FAT1: variants seen among roughly 807,000 people sequenced by gnomAD.
The protein encoded by FAT1 is protocadherin Fat 1.
In FAT1, 171 loss-of-function variants were observed where a neutral mutation model predicts 329.8. That is an observed-to-expected ratio of 0.52 (90% CI 0.46 to 0.59). The LOEUF (loss-of-function observed/expected upper bound fraction) is 0.59. FAT1 is among the 20% of genes least tolerant of loss of function. The pLI is 0.00. For synonymous variants in FAT1, 2,233 were observed against 2,228.6 expected, an observed-to-expected ratio of 1.00 and a Z score of -0.06; for missense variants, 5,672 against 5,774.4, an observed-to-expected ratio of 0.98 and a Z score of 0.57.
chr4:186,667,785 T>C (rs2126627139), intron 2 of FAT1, among the ~76,000 whole-genome samples: 1 of 152,326 alleles, frequency 6.6e-6, no homozygotes, highest in Non-Finnish European at 1.5e-5. Context: ...CTTAGATCCA[T>C]TAAGAAACTT....
At chr4:186,706,203 G>C (rs1023679588) in intron 2 of FAT1, among the ~76,000 whole-genome samples, 2 of 152,150 alleles carry the variant, frequency 1.3e-5, no homozygotes, top group African/African-American at 4.8e-5. Context: ...TACACTGACT[G>C]AAAAAAGTTG....
intron 3 of FAT1, among the ~76,000 whole-genome samples, chr4:186,655,488 G>A (rs1293780470): frequency 6.6e-6 from 1 of 151,672 alleles, no homozygotes; most frequent in Non-Finnish European, 1.5e-5. Context: ...AGGTTGGAGT[G>A]CAGTGGAGTG....
chr4:186,601,806 G>C (rs1738830786), intron 20 of FAT1: 1 of 161,546 alleles, frequency 6.2e-6, no homozygotes, highest in Non-Finnish European at 1.3e-5. Flanking sequence ...AGATGCAAAT[G>C]TCATCAATCT....
rs1300189308 is a variant in FAT1, at chr4:186,620,259, G to A, written c.6327C>T (p.Asp2109=). The change falls in exon 10 of 27, where the codon GAC becomes GAT. Residue 2109 remains aspartate, a synonymous_variant. Coordinates refer to ENST00000441802, the MANE Select transcript of FAT1 (RefSeq NM_005245.4). ...AATGCACTTCCCCGTTTCTGCCACT[G>A]TCTCTGTCTACAGCAGTGACATAGC... ...VIRYVTAVDR[D]SGRNGEVHYY... is the part of the protein sequence containing the mutation. 6.2e-7 allele frequency: 1 copy of A among 1,613,982 alleles called. No homozygotes were observed.
rs1410092050 is a variant in FAT1, at chr4:186,600,097, T to G, written c.11904A>C (p.Gln3968His). 12 of 1,613,920 alleles carry G rather than the reference T, an allele frequency of 7.4e-6. No homozygotes were observed. The highest frequency in any genetic ancestry group is 1.0e-5 in the Non-Finnish European group (12 of 1,179,898). ...QQGTRHGRSP[Q>H]VGNGFRGCMD... ...TACAACCCCTGAAACCATTACCAAC[T>G]TGAGGACTTCTTCCATGCCTTGTTC... Residue 3968 changes from glutamine to histidine, a missense_variant, in exon 22 of 27, where the codon CAA (glutamine) becomes CAC (histidine). This residue lies in a region of FAT1 where 1,706 missense variants were observed against 1,859.1 expected (regional missense o/e 0.92). Transcript: ENST00000441802.
At chr4:186,701,671 T>A (rs983343044) in intron 2 of FAT1, among the ~76,000 whole-genome samples, 4 of 152,186 alleles carry the variant, frequency 2.6e-5, no homozygotes, top group African/African-American at 7.2e-5. Flanking sequence ...CCGGGGCCCG[T>A]CAGCCTCCTC....
intron 26 of FAT1, among the ~76,000 whole-genome samples, chr4:186,591,734 T>C (rs1738247862): frequency 6.6e-6 from 1 of 152,220 alleles, no homozygotes; most frequent in East Asian, 1.9e-4. Context: ...GGAAAAGAAG[T>C]GTAGGCGTCA....
chr4:186,663,272 A>G (rs1742265743), intron 3 of FAT1, 27 bp downstream of exon 3: 1 of 1,539,116 alleles, frequency 6.5e-7, no homozygotes, highest in Admixed American at 1.8e-5. Context: ...AAGCATAAAC[A>G]TTTCCTATAG....
At chr4:186,592,315 T>G (rs1280083105) in intron 26 of FAT1, among the ~76,000 whole-genome samples, 2 of 152,110 alleles carry the variant, frequency 1.3e-5, no homozygotes, top group African/African-American at 2.4e-5. Flanking sequence ...AAGTGAAGAG[T>G]CAGTTACAGG....
chr4:186,695,924 T>C (rs937856094), intron 2 of FAT1, among the ~76,000 whole-genome samples: 4 of 152,140 alleles, frequency 2.6e-5, no homozygotes, highest in African/African-American at 9.7e-5. Flanking sequence ...CTGGAGCAGC[T>C]GAGACTACAG....
chr4:186,712,947 G>A (rs944113816), intron 1 of FAT1, among the ~76,000 whole-genome samples: 2 of 151,722 alleles, frequency 1.3e-5, no homozygotes, highest in African/African-American at 2.4e-5. Context: ...CGGTAAGGCC[G>A]GGGCACATCC....
chr4:186,663,514 A>G lies in FAT1; in HGVS notation c.3365T>C (p.Phe1122Ser). 6.2e-7 allele frequency: 1 copy of G among 1,613,008 alleles called. No individual in the cohort carries two copies. The highest frequency in any genetic ancestry group is 1.1e-5 in the South Asian group (1 of 91,024). The change falls in exon 3 of 27, where the codon TTC (phenylalanine) becomes TCC (serine). Residue 1122 changes from phenylalanine (F) to serine (S), a missense_variant. Coordinates refer to ENST00000441802, the MANE Select transcript of FAT1 (RefSeq NM_005245.4). ...CTCAACCTCTATGTAGATCTCTATG[A>G]ACGATGAAAGAGGCACGACACCCTG... ...TDQGVVPLSSFIEIYIEVEDV... is the reference protein window; with the variant it reads ...TDQGVVPLSSSIEIYIEVEDV...
At chr4:186,723,248 C>A (rs991827581) in intron 1 of FAT1, among the ~76,000 whole-genome samples, 3 of 152,266 alleles carry the variant, frequency 2.0e-5, no homozygotes, top group African/African-American at 7.2e-5. Flanking sequence ...AGGGCGCAAA[C>A]ACCCAGAGAC....
chr4:186,674,931 G>A (rs1166299435), intron 2 of FAT1, among the ~76,000 whole-genome samples: 1 of 152,172 alleles, frequency 6.6e-6, no homozygotes, highest in Non-Finnish European at 1.5e-5. Flanking sequence ...CTACTTGGGT[G>A]CCTGAGGCAG....
Position 186,600,186 on chromosome 4 carries a change from C to CA in FAT1, c.11814_11815insT (p.Gly3939TrpfsTer10). 2 of 1,614,074 alleles carry CA rather than the reference C, an allele frequency of 1.2e-6. No individual in the cohort carries two copies. The highest frequency in any genetic ancestry group is 1.7e-6 in the Non-Finnish European group (2 of 1,179,906). On this transcript the variant is annotated frameshift_variant, in exon 22 of 27. Coordinates refer to ENST00000441802, the MANE Select transcript of FAT1 (RefSeq NM_005245.4). LOFTEE classifies it high-confidence loss of function. ...TCCAGGTTCAGGGTTTTCAGAGTCC[C>CA]TGGGGCTGTGCCCGATGCAGTATGA... is the stretch of plus-strand genomic sequence containing the variant.
Position 186,620,704 on chromosome 4 carries a change from C to T in FAT1, c.5882G>A (p.Gly1961Asp), listed in dbSNP as rs1237332323. The change falls in exon 10 of 27, where the codon GGC becomes GAC. Residue 1961 changes from glycine (G) to aspartate (D), a missense_variant. Gly to Asp is a moderately conservative substitution (Grantham distance 94). Coordinates refer to ENST00000441802, the MANE Select transcript of FAT1 (RefSeq NM_005245.4). ...TVRASDGRFA[G>D]LTSVKINVKE... Reference sequence around the variant, plus strand: ...CACATTAATTTTGACAGAGGTAAGGCCGGCAAATCTGCCATCGGAAGCTCT... The same window carrying T: ...CACATTAATTTTGACAGAGGTAAGGTCGGCAAATCTGCCATCGGAAGCTCT... 1 of 1,613,980 alleles carries T rather than the reference C, an allele frequency of 6.2e-7. No homozygotes were observed. Among genetic ancestry groups the T allele is most frequent in the Non-Finnish European group, 8.5e-7 (1 of 1,179,884 alleles).
chr4:186,706,058 G>A (rs370668378), intron 2 of FAT1, among the ~76,000 whole-genome samples: 6 of 152,148 alleles, frequency 3.9e-5, no homozygotes, highest in African/African-American at 9.7e-5. Flanking sequence ...AAACCTAGAC[G>A]AGGTACTAAG....
chr4:186,649,203 T>C (rs1225399445), intron 3 of FAT1, among the ~76,000 whole-genome samples: 1 of 152,134 alleles, frequency 6.6e-6, no homozygotes, highest in Non-Finnish European at 1.5e-5. Context: ...CCCAGAATCT[T>C]CCTGACAAGT....
chr4:186,706,244 T>C (rs1380778774), intron 2 of FAT1, among the ~76,000 whole-genome samples: 1 of 152,180 alleles, frequency 6.6e-6, no homozygotes, highest in Non-Finnish European at 1.5e-5. Context: ...AACAAAACCA[T>C]AATGATGCTT....
Sources: gnomAD v4.1 joint callset for allele counts (sites outside exome capture counted in the v4.1 genomes callset) on GRCh38, gnomAD v4.1.1 for gene constraint, gnomAD v4.1.1 regional missense constraint, MANE v1.5 for transcripts, NCBI Gene and HGNC (gene_info 2026-07-23, HGNC 2026-07-21) for gene names.